Variants in ARHGEF3 observed in about 807,000 individuals in gnomAD.
The protein encoded by ARHGEF3 is 59.8 kDA protein.
In ARHGEF3, 28 loss-of-function variants were observed where a neutral mutation model predicts 63.2. The ratio of observed to expected loss-of-function variants is 0.44; its 90% CI spans 0.33 to 0.61. The LOEUF is 0.61. Among genes scored for constraint, ARHGEF3 ranks in the 20% least tolerant of loss-of-function variants. The pLI, the probability that ARHGEF3 is intolerant of heterozygous loss-of-function variation, is 0.03. For synonymous variants in ARHGEF3, 266 were observed against 254.2 expected, an observed-to-expected ratio of 1.05 and a Z score of -0.44; for missense variants, 533 against 659.3, an observed-to-expected ratio of 0.81 and a Z score of 2.10.
intron 2 of ARHGEF3, among the ~76,000 whole-genome samples, chr3:56,972,658 C>T (rs1242647426): frequency 1.3e-5 from 2 of 151,854 alleles, no homozygotes; most frequent in African/African-American, 4.9e-5. Context: ...TCCTGGGGCA[C>T]GGCTGAGGGG....
intron 2 of ARHGEF3, among the ~76,000 whole-genome samples, chr3:57,013,283 C>T (rs1037284902): frequency 1.3e-5 from 2 of 152,256 alleles, no homozygotes; most frequent in Non-Finnish European, 2.9e-5. Flanking sequence ...GGCAGCTCAG[C>T]CCCCGGCCCT....
At chr3:57,057,312 T>C (rs993603114) in intron 1 of ARHGEF3, among the ~76,000 whole-genome samples, 6 of 152,148 alleles carry the variant, frequency 3.9e-5, no homozygotes, top group Non-Finnish European at 7.3e-5. Flanking sequence ...GGTTTTGCCA[T>C]GTTGGCCAGG....
At chr3:56,982,352 G>A (rs1374490737) in intron 2 of ARHGEF3, among the ~76,000 whole-genome samples, 1 of 151,960 alleles carries the variant, frequency 6.6e-6, no homozygotes, top group Admixed American at 6.6e-5. Flanking sequence ...ATTAAAGAAA[G>A]CATCAAAATG....
At chr3:56,963,626 T>C (rs375212696) in intron 2 of ARHGEF3, among the ~76,000 whole-genome samples, 3 of 152,356 alleles carry the variant, frequency 2.0e-5, no homozygotes, top group Middle Eastern at 3.4e-3. Flanking sequence ...TTTTTCGTCT[T>C]TTCTCGTTTT....
At chr3:57,054,307 A>G (rs1398226161) in intron 1 of ARHGEF3, among the ~76,000 whole-genome samples, 3 of 152,034 alleles carry the variant, frequency 2.0e-5, no homozygotes, top group African/African-American at 4.8e-5. Context: ...TTTTGATGAT[A>G]TGCTTGCTCA....
At chr3:56,870,426 A>G (rs1238511664) in intron 4 of ARHGEF3, among the ~76,000 whole-genome samples, 2 of 152,224 alleles carry the variant, frequency 1.3e-5, no homozygotes, top group Non-Finnish European at 2.9e-5. Flanking sequence ...AGGCAAAAGT[A>G]TGGAGAGAGT....
chr3:56,888,309 C>T (rs1222289248), intron 3 of ARHGEF3, among the ~76,000 whole-genome samples: 1 of 152,164 alleles, frequency 6.6e-6, no homozygotes, highest in East Asian at 1.9e-4. Flanking sequence ...GGGCGACAGT[C>T]TGGGGACTCA....
chr3:56,866,176 CA>C (rs1241412468), intron 4 of ARHGEF3, among the ~76,000 whole-genome samples: 1 of 151,916 alleles, frequency 6.6e-6, no homozygotes, highest in Admixed American at 6.6e-5. Context: ...AAACACAAAA[CA>C]AAACAAAACA....
intron 3 of ARHGEF3, among the ~76,000 whole-genome samples, chr3:56,948,767 T>G (rs1460934398): frequency 1.3e-5 from 2 of 152,164 alleles, no homozygotes; most frequent in Non-Finnish European, 2.9e-5. Context: ...GACTCCTCCC[T>G]AACTCATTTT....
At chr3:57,010,421 A>T (rs529940680) in intron 2 of ARHGEF3, among the ~76,000 whole-genome samples, 59 of 144,638 alleles carry the variant, frequency 4.1e-4, no homozygotes, top group South Asian at 2.4e-3. Flanking sequence ...GCACCACTGC[A>T]CTCCAGCCTG....
intron 2 of ARHGEF3, among the ~76,000 whole-genome samples, chr3:56,968,142 TAA>T (rs1376440655): frequency 2.6e-5 from 1 of 37,980 alleles, no homozygotes; most frequent in South Asian, 8.2e-4. Flanking sequence ...TTTTTATATA[TAA>T]TATATATAAA....
At chr3:57,029,804 G>A (rs957334462) in intron 2 of ARHGEF3, among the ~76,000 whole-genome samples, 14 of 152,160 alleles carry the variant, frequency 9.2e-5, no homozygotes, top group South Asian at 2.1e-4. Flanking sequence ...GGGTCACAGA[G>A]CCCAAGGTCA....
intron 7 of ARHGEF3, among the ~76,000 whole-genome samples, chr3:56,742,882 T>C (rs951043886): frequency 3.3e-5 from 5 of 152,220 alleles, no homozygotes; most frequent in Non-Finnish European, 7.3e-5. Flanking sequence ...CATATTCTTA[T>C]CTGTTTTTAA....
chr3:57,045,255 G>A (rs1403447176), intron 1 of ARHGEF3, among the ~76,000 whole-genome samples: 3 of 152,184 alleles, frequency 2.0e-5, no homozygotes, highest in Admixed American at 1.3e-4. Context: ...TGATAAGAGC[G>A]AAACTCTGTC....
At chr3:56,957,866 G>A (rs1245682598) in intron 3 of ARHGEF3, among the ~76,000 whole-genome samples, 1 of 152,154 alleles carries the variant, frequency 6.6e-6, no homozygotes. Context: ...TTTTGCTCCT[G>A]AGATTAGCGC....
chr3:56,762,092 A>T (rs1384924075), intron 2 of ARHGEF3, among the ~76,000 whole-genome samples: 1 of 152,182 alleles, frequency 6.6e-6, no homozygotes, highest in Non-Finnish European at 1.5e-5. Context: ...CAGCACAGCC[A>T]GCCCAGTTAT....
At chr3:56,986,565 G>A (rs1319404499) in intron 2 of ARHGEF3, among the ~76,000 whole-genome samples, 1 of 152,170 alleles carries the variant, frequency 6.6e-6, no homozygotes, top group Non-Finnish European at 1.5e-5. Flanking sequence ...GTGCAGTTGG[G>A]AGTAAGGGGT....
rs576382437 is a variant in ARHGEF3, at chr3:56,758,955, C to G, written c.205-3804G>C. ...CACTTGAGAGAATCAACCTCCTATC[C>G]TGTTATATTTTCAGTCCTTGGCTAA... On this transcript the variant is annotated intron_variant, in intron 2 of 9. Transcript: ENST00000296315. Among the ~76,000 whole-genome samples the G allele has an allele frequency of 4.4e-3, 667 of 152,230 alleles. 6 individuals are homozygous for G. Among genetic ancestry groups the G allele is most frequent in the African/African-American group, 0.015 (643 of 41,534 alleles).
intron 2 of ARHGEF3, among the ~76,000 whole-genome samples, chr3:57,000,309 C>CT (rs1553801845): frequency 1.0e-4 from 11 of 106,670 alleles, no homozygotes; most frequent in African/African-American, 1.4e-4. Flanking sequence ...GAGGGTAACT[C>CT]CCACACACAC....
Sources: allele counts gnomAD v4.1 joint callset (sites outside exome capture counted in the v4.1 genomes callset), GRCh38; gene constraint gnomAD v4.1.1; transcripts MANE v1.5; gene names NCBI Gene and HGNC (gene_info 2026-07-23, HGNC 2026-07-21).